The following VPS13C variants were observed in gnomAD, a reference collection of about 807,000 sequenced individuals.
The protein encoded by VPS13C is vacuolar protein sorting 13 homolog C.
Under a neutral mutation model 456.8 loss-of-function variants are expected in VPS13C, and 358 were observed. That is an observed-to-expected ratio of 0.78 (90% CI 0.72 to 0.86). The LOEUF is 0.86. VPS13C is among the 40% of genes least tolerant of loss of function. The pLI is 0.00. For missense variants in VPS13C, 4,818 were observed against 4,385.4 expected (o/e 1.10, Z -2.79); for synonymous variants, 1,578 against 1,486.7 (o/e 1.06, Z -1.41).
intron 59 of VPS13C, 23 bp downstream of exon 59, chr15:61,918,113 T>C: frequency 6.4e-7 from 1 of 1,559,534 alleles, no homozygotes; most frequent in East Asian, 2.4e-5. Context: ...ATTTAAAGTT[T>C]AATACATTTA....
At chr15:62,002,032 C>T (rs2046641414) in intron 15 of VPS13C, among the ~76,000 whole-genome samples, 1 of 151,976 alleles carries the variant, frequency 6.6e-6, no homozygotes, top group Admixed American at 6.6e-5. Flanking sequence ...GGGTATATAC[C>T]CAGTAATGAG....
intron 2 of VPS13C, among the ~76,000 whole-genome samples, chr15:62,043,725 T>G (rs552224916): frequency 6.6e-6 from 1 of 152,118 alleles, no homozygotes; most frequent in African/African-American, 2.4e-5. Context: ...AGAAACCTAA[T>G]TGGGGGATGG....
chr15:61,956,737 C>G (rs929994296), intron 37 of VPS13C, among the ~76,000 whole-genome samples: 2 of 152,018 alleles, frequency 1.3e-5, no homozygotes, highest in Admixed American at 6.6e-5. Context: ...AAATAAAAAC[C>G]GTAGTGAGAT....
At chr15:62,044,082 G>C (rs1596527180) in intron 2 of VPS13C, 130 bp downstream of exon 2, 2 of 579,734 alleles carry the variant, frequency 3.4e-6, no homozygotes, top group East Asian at 3.6e-5. Flanking sequence ...ACAGCAAATA[G>C]TTGAACAAGT....
chr15:62,047,748 A>G (rs777802399), intron 1 of VPS13C, among the ~76,000 whole-genome samples: 1 of 152,288 alleles, frequency 6.6e-6, no homozygotes, highest in Non-Finnish European at 1.5e-5. Flanking sequence ...TCTCCACTAA[A>G]CTGCATGCTA....
chr15:61,961,505 G>A, intron 35 of VPS13C, 84 bp downstream of exon 35: 1 of 1,332,258 alleles, frequency 7.5e-7, no homozygotes, highest in African/African-American at 1.5e-5. Flanking sequence ...TGAATAAACT[G>A]TGTTGGGTAG....
chr15:61,908,421 C>G (rs1343838427), intron 65 of VPS13C, among the ~76,000 whole-genome samples: 17 of 151,680 alleles, frequency 1.1e-4, no homozygotes, highest in Admixed American at 1.1e-3. Flanking sequence ...CTTAAATTCT[C>G]TACCATTAAA....
At chr15:61,993,657 C>G (rs1314682473) in intron 16 of VPS13C, among the ~76,000 whole-genome samples, 2 of 151,982 alleles carry the variant, frequency 1.3e-5, no homozygotes, top group African/African-American at 4.8e-5. Flanking sequence ...TAGGAAAGCA[C>G]ACAATCAAAA....
intron 16 of VPS13C, among the ~76,000 whole-genome samples, chr15:61,999,166 G>GT (rs1177805254): frequency 3.3e-5 from 5 of 152,116 alleles, no homozygotes; most frequent in Non-Finnish European, 7.4e-5. Context: ...ATCACCTGAG[G>GT]TCAGGAGTTC....
At chr15:62,037,231 TATATAAATATATATA>T (rs1305514870) in intron 3 of VPS13C, among the ~76,000 whole-genome samples, 3 of 62,282 alleles carry the variant, frequency 4.8e-5, no homozygotes, top group East Asian at 3.9e-4. Context: ...TAATATATTA[TATATAAATATATATA>T]ATATATTTAT....
At chr15:61,979,992 A>G (rs1310532742) in intron 22 of VPS13C, among the ~76,000 whole-genome samples, 1 of 151,540 alleles carries the variant, frequency 6.6e-6, no homozygotes, top group Admixed American at 6.6e-5. Context: ...GAGACCAGCC[A>G]GGCCAACATG....
chr15:62,024,409 C>G (rs1300902046), intron 6 of VPS13C, among the ~76,000 whole-genome samples: 1 of 152,040 alleles, frequency 6.6e-6, no homozygotes, highest in Non-Finnish European at 1.5e-5. Flanking sequence ...ATTAGGAATT[C>G]CTTTAAAACC....
Position 61,936,759 on chromosome 15 carries a change from C to G in VPS13C, c.5602-9G>C. 6.3e-7 allele frequency: 1 copy of G among 1,593,966 alleles called. No individual in the cohort carries two copies. The highest frequency in any genetic ancestry group is 1.8e-5 in the Admixed American group (1 of 54,706). On this transcript the variant is annotated splice_polypyrimidine_tract_variant and intron_variant, in intron 47 of 84. Coordinates refer to ENST00000644861, the MANE Select transcript of VPS13C (RefSeq NM_020821.3). Reference sequence around the variant, plus strand: ...TCTTCACTGAGAGCAACCTAGAAACCACCAATAATTTGTTAACTCTAAGTA... The same window carrying G: ...TCTTCACTGAGAGCAACCTAGAAACGACCAATAATTTGTTAACTCTAAGTA...
At chr15:62,038,433 A>G (rs1485579646) in intron 3 of VPS13C, among the ~76,000 whole-genome samples, 4 of 152,086 alleles carry the variant, frequency 2.6e-5, no homozygotes, top group Admixed American at 2.6e-4. Context: ...TACAAAAAAT[A>G]CAAATATGAG....
chr15:61,901,844 A>C (rs2043007336), intron 66 of VPS13C, among the ~76,000 whole-genome samples: 1 of 152,192 alleles, frequency 6.6e-6, no homozygotes, highest in African/African-American at 2.4e-5. Flanking sequence ...TCACAATAGC[A>C]AAGACTCGGA....
At position 61,881,899 on chromosome 15, in the gene VPS13C, T is replaced by C. The variant is rs964203093; in HGVS notation, c.9625-71A>G. The C allele has an allele frequency of 1.9e-5, 25 of 1,327,944 alleles. No individual in the cohort carries two copies. In the Admixed American group the frequency reaches 4.8e-4, roughly 25 times the overall value. 82.3% of individuals were successfully genotyped at this position (1,327,944 alleles called of 1,614,324 possible). ...ACTTTTAGTTTCAAAGATAATGTTA[T>C]AGAAGAGGCCACCACTTTCATCATA... is the stretch of plus-strand genomic sequence containing the variant. On this transcript the variant is annotated intron_variant, in intron 69 of 84. Transcript: ENST00000644861.
In VPS13C at chr15:62,023,921, G is replaced by T. The variant is rs111502876; in HGVS notation, c.449-76C>A. 1.1e-5 allele frequency: 15 copies of T among 1,392,938 alleles called. No individual in the cohort carries two copies. In the African/African-American group the frequency reaches 1.3e-4, roughly 12 times the overall value. 86.3% of individuals were successfully genotyped at this position (1,392,938 alleles called of 1,614,324 possible). A position where few individuals can be genotyped will look rare whatever the true frequency, so the allele number is the denominator to read the frequency against. ...GACTACAGGACAGAAAAGAAAACAA[G>T]AGAATTTTTCCTAACAGCAAATTTT... On this transcript the variant is annotated intron_variant, in intron 6 of 84. Transcript: ENST00000644861.
At chr15:61,898,930 G>A (rs1596307997) in intron 66 of VPS13C, among the ~76,000 whole-genome samples, 1 of 101,932 alleles carries the variant, frequency 9.8e-6, no homozygotes. Flanking sequence ...AATCAAACTA[G>A]AACTCAGTAT....
intron 47 of VPS13C, among the ~76,000 whole-genome samples, chr15:61,940,354 T>C (rs1277761370): frequency 1.3e-5 from 2 of 152,238 alleles, no homozygotes; most frequent in African/African-American, 4.8e-5. Context: ...TTTTACCAAA[T>C]ATCTAACTAA....
Sources: gnomAD v4.1 joint callset for allele counts (sites outside exome capture counted in the v4.1 genomes callset) on GRCh38, gnomAD v4.1.1 for gene constraint, MANE v1.5 for transcripts, NCBI Gene and HGNC (gene_info 2026-07-23, HGNC 2026-07-21) for gene names.